Variants in GALNTL6 observed in about 807,000 individuals in gnomAD.
GALNTL6 encodes the protein polypeptide N-acetylgalactosaminyltransferase like 6.
In GALNTL6, 46 loss-of-function variants were observed where a neutral mutation model predicts 73.7. That is an observed-to-expected ratio of 0.62 (90% confidence interval 0.49 to 0.80). GALNTL6 has a LOEUF of 0.80. GALNTL6 is among the 30% of genes least tolerant of loss of function. GALNTL6 has a pLI of 0.00. For missense variants in GALNTL6, 604 were observed against 755.0 expected (o/e 0.80, Z 2.34); for synonymous variants, 259 against 263.7 (o/e 0.98, Z 0.17).
chr4:172,180,178 G>T (rs944331130), intron 2 of GALNTL6, among the ~76,000 whole-genome samples: 1 of 152,054 alleles, frequency 6.6e-6, no homozygotes, highest in African/African-American at 2.4e-5. Context: ...GCTTTTATTT[G>T]CATTTCTCTA....
intron 5 of GALNTL6, chr4:172,669,325 C>T (rs1034562244): frequency 3.3e-5 from 5 of 152,108 alleles, no homozygotes; most frequent in Non-Finnish European, 5.9e-5. Flanking sequence ...AGTACTCTCC[C>T]CCACTTAACT....
intron 10 of GALNTL6, among the ~76,000 whole-genome samples, chr4:172,961,473 G>A (rs572548697): frequency 3.6e-4 from 55 of 152,238 alleles, no homozygotes; most frequent in Admixed American, 2.0e-3. Context: ...CAAGGCAGGC[G>A]TCCCCACGTG....
At chr4:172,209,316 G>A (rs1289474805) in intron 2 of GALNTL6, among the ~76,000 whole-genome samples, 1 of 151,908 alleles carries the variant, frequency 6.6e-6, no homozygotes, top group Non-Finnish European at 1.5e-5. Context: ...TATGGTCACT[G>A]CGAGATTGAT....
At chr4:172,578,046 A>T (rs1437556858) in intron 5 of GALNTL6, among the ~76,000 whole-genome samples, 4 of 152,168 alleles carry the variant, frequency 2.6e-5, no homozygotes, top group Non-Finnish European at 5.9e-5. Flanking sequence ...CCTCACATGT[A>T]ATATCCCTTG....
rs1304131996 is a variant in GALNTL6 at position 172,415,579 on chromosome 4, T to C, written c.553+66890T>C. On this transcript the variant is annotated intron_variant, in intron 5 of 12. Transcript: ENST00000506823. ...TCACTGAATATTCTGTGAGTACTTT[T>C]GTCTTTGCCATGTAGCAGGAGGAGC... Among the ~76,000 whole-genome samples, 4 of 152,292 alleles carry C rather than the reference T, an allele frequency of 2.6e-5. No homozygotes were observed. In the South Asian group the frequency reaches 8.3e-4, roughly 32 times the overall value.
chr4:172,393,774 C>A (rs1292571994), intron 5 of GALNTL6, among the ~76,000 whole-genome samples: 1 of 152,088 alleles, frequency 6.6e-6, no homozygotes, highest in African/African-American at 2.4e-5. Context: ...TTTATTTTTA[C>A]TTCTGTAATG....
chr4:172,092,593 TA>T (rs1732234914), intron 2 of GALNTL6, among the ~76,000 whole-genome samples: 1 of 152,014 alleles, frequency 6.6e-6, no homozygotes, highest in African/African-American at 2.4e-5. Flanking sequence ...CAGATCACTA[TA>T]AAAAAATAGT....
rs182993914 is a variant in GALNTL6, at chr4:172,455,793, C to T, written c.553+107104C>T. The stretch of plus-strand genomic sequence containing the variant: ...CAGCTTCAGCAGACTTAAAAGTTCC[C>T]GCCTGATGGCTCTGAAGAGAGGAAT... On this transcript the variant is annotated intron_variant, in intron 5 of 12. Transcript: ENST00000506823. Among the ~76,000 whole-genome samples, 408 of 152,282 alleles carry T rather than the reference C, an allele frequency of 2.7e-3. 2 individuals are homozygous for T. Among genetic ancestry groups the T allele is most frequent in the Non-Finnish European group, 4.3e-3 (294 of 68,028 alleles).
chr4:172,719,403 A>C (rs560719409), intron 5 of GALNTL6, among the ~76,000 whole-genome samples: 1 of 152,346 alleles, frequency 6.6e-6, no homozygotes, highest in South Asian at 2.1e-4. Context: ...AAAATGGAGA[A>C]TAAAACACTT....
chr4:171,899,611 A>G (rs1478183249), intron 2 of GALNTL6, among the ~76,000 whole-genome samples: 3 of 152,226 alleles, frequency 2.0e-5, no homozygotes, highest in Non-Finnish European at 4.4e-5. Context: ...TTCACCATTT[A>G]GAATTTATCA....
At chr4:172,832,415 T>C (rs904000957) in intron 7 of GALNTL6, among the ~76,000 whole-genome samples, 1 of 152,228 alleles carries the variant, frequency 6.6e-6, no homozygotes, top group African/African-American at 2.4e-5. Context: ...CTAATGCTTT[T>C]GGAGACTCTA....
intron 5 of GALNTL6, among the ~76,000 whole-genome samples, chr4:172,596,386 C>T (rs1462375138): frequency 4.0e-5 from 6 of 149,908 alleles, no homozygotes; most frequent in South Asian, 2.1e-4. Flanking sequence ...CAGAGGTTGC[C>T]GTGTGCTGTG....
chr4:172,168,068 A>G (rs1007362835), intron 2 of GALNTL6, among the ~76,000 whole-genome samples: 3 of 151,866 alleles, frequency 2.0e-5, no homozygotes, highest in African/African-American at 7.3e-5. Flanking sequence ...TCTGAAATAT[A>G]TTTTTTTCAC....
chr4:172,658,248 C>T (rs1731177191), intron 5 of GALNTL6, among the ~76,000 whole-genome samples: 2 of 147,344 alleles, frequency 1.4e-5, no homozygotes, highest in South Asian at 4.3e-4. Flanking sequence ...GGGTGGATCA[C>T]GAAGTCAGGA....
At chr4:172,251,778 T>C (rs1396484581) in intron 3 of GALNTL6, among the ~76,000 whole-genome samples, 3 of 152,026 alleles carry the variant, frequency 2.0e-5, no homozygotes, top group Non-Finnish European at 4.4e-5. Context: ...GAGAGAGGAA[T>C]ACTAGACGGG....
intron 7 of GALNTL6, among the ~76,000 whole-genome samples, chr4:172,844,073 A>C (rs1189528910): frequency 2.6e-5 from 4 of 152,186 alleles, no homozygotes; most frequent in African/African-American, 9.7e-5. Flanking sequence ...AATAAAAATA[A>C]ATAAATAAAA....
At chr4:172,772,006 G>A (rs1738793952) in intron 5 of GALNTL6, among the ~76,000 whole-genome samples, 1 of 152,068 alleles carries the variant, frequency 6.6e-6, no homozygotes, top group Non-Finnish European at 1.5e-5. Flanking sequence ...AGTTCCACAT[G>A]GCTGGGGAGG....
chr4:172,387,333 C>T lies in GALNTL6; in HGVS notation c.553+38644C>T, dbSNP rs114985963. Among the ~76,000 whole-genome samples the T allele has an allele frequency of 1.4e-3, 220 of 152,206 alleles. 1 individual carries two copies. Among genetic ancestry groups the T allele is most frequent in the African/African-American group, 4.7e-3 (194 of 41,548 alleles). ...TCTTTCTTTGGTATTTTCTGTAGTA[C>T]AGATATGACAGAAATGAAATCACTA... On this transcript the variant is annotated intron_variant, in intron 5 of 12. Transcript: ENST00000506823.
At chr4:172,977,379 C>G (rs769261602) in intron 10 of GALNTL6, among the ~76,000 whole-genome samples, 2 of 152,174 alleles carry the variant, frequency 1.3e-5, no homozygotes, top group South Asian at 2.1e-4. Context: ...CTTTCCATAA[C>G]TGAACAACTC....
Sources: gnomAD v4.1 joint callset for allele counts (sites outside exome capture counted in the v4.1 genomes callset) on GRCh38, gnomAD v4.1.1 for gene constraint, MANE v1.5 for transcripts, NCBI Gene and HGNC (gene_info 2026-07-23, HGNC 2026-07-21) for gene names.